Variants in CDH13 observed in about 807,000 individuals in gnomAD.
The protein encoded by CDH13 is cadherin 13.
In CDH13, 24 loss-of-function variants were observed where a neutral mutation model predicts 63.8. The observed-to-expected ratio is 0.38, with a 90% CI of 0.27 to 0.53. The LOEUF is 0.53. Among genes scored for constraint, CDH13 ranks in the 20% least tolerant of loss-of-function variants. CDH13 has a pLI of 0.85. For missense variants in CDH13, 1,049 were observed against 903.1 expected (o/e 1.16, Z -2.07); for synonymous variants, 503 against 355.3 (o/e 1.42, Z -4.67).
At chr16:83,352,248 AC>A (rs1168006798) in intron 6 of CDH13, among the ~76,000 whole-genome samples, 1 of 152,068 alleles carries the variant, frequency 6.6e-6, no homozygotes, top group Non-Finnish European at 1.5e-5. Flanking sequence ...CCAATCAGAG[AC>A]CATTTCCCAA....
intron 10 of CDH13, among the ~76,000 whole-genome samples, chr16:83,701,285 G>A (rs970254738): frequency 6.6e-6 from 1 of 152,340 alleles, no homozygotes; most frequent in East Asian, 1.9e-4. Flanking sequence ...GAGGGCAGCC[G>A]AATGGGGCCA....
At chr16:83,334,333 C>A (rs1267081919) in intron 5 of CDH13, among the ~76,000 whole-genome samples, 1 of 135,668 alleles carries the variant, frequency 7.4e-6, no homozygotes, top group East Asian at 2.1e-4. Flanking sequence ...TCCCTCTCTC[C>A]CTTTCTCCCT....
intron 5 of CDH13, among the ~76,000 whole-genome samples, chr16:83,270,842 T>C (rs1296082895): frequency 6.6e-6 from 1 of 152,090 alleles, no homozygotes; most frequent in Non-Finnish European, 1.5e-5. Context: ...GTTGCTCTTC[T>C]CTTTTCTCCT....
At chr16:83,171,605 A>G in intron 4 of CDH13, 3 of 1,491,810 alleles carry the variant, frequency 2.0e-6, no homozygotes, top group South Asian at 1.2e-5. Context: ...CTGTGTCTCT[A>G]TCTTCATTTC....
intron 1 of CDH13, among the ~76,000 whole-genome samples, chr16:82,780,177 C>G (rs1383208696): frequency 1.3e-5 from 2 of 151,978 alleles, no homozygotes; most frequent in Non-Finnish European, 2.9e-5. Flanking sequence ...AAGGTCAGGA[C>G]TATATATTTA....
At chr16:82,947,191 G>C (rs1251231871) in intron 2 of CDH13, among the ~76,000 whole-genome samples, 1 of 152,100 alleles carries the variant, frequency 6.6e-6, no homozygotes, top group Non-Finnish European at 1.5e-5. Context: ...AACCAGAGTA[G>C]GTGGTTATTC....
At chr16:83,003,920 G>A (rs1277462553) in intron 2 of CDH13, among the ~76,000 whole-genome samples, 1 of 152,176 alleles carries the variant, frequency 6.6e-6, no homozygotes, top group African/African-American at 2.4e-5. Flanking sequence ...TTGTTTTGGG[G>A]AAAATTCTAA....
intron 7 of CDH13, among the ~76,000 whole-genome samples, chr16:83,517,956 G>T (rs916886535): frequency 1.3e-5 from 2 of 152,048 alleles, no homozygotes; most frequent in African/African-American, 2.4e-5. Flanking sequence ...GAGCCCTGGG[G>T]TGATGAAGTG....
chr16:83,328,550 G>A (rs2090418737), intron 5 of CDH13, among the ~76,000 whole-genome samples: 2 of 152,172 alleles, frequency 1.3e-5, no homozygotes, highest in Admixed American at 1.3e-4. Flanking sequence ...TGAATAGAGT[G>A]GGAGGACAAG....
intron 6 of CDH13, among the ~76,000 whole-genome samples, chr16:83,446,190 C>G (rs900720838): frequency 6.6e-6 from 1 of 151,216 alleles, no homozygotes; most frequent in Non-Finnish European, 1.5e-5. Flanking sequence ...GTAATCCCAG[C>G]TATTTAGGAG....
At chr16:83,482,139 C>G (rs760222827) in intron 6 of CDH13, among the ~76,000 whole-genome samples, 4 of 152,204 alleles carry the variant, frequency 2.6e-5, no homozygotes, top group Non-Finnish European at 2.9e-5. Flanking sequence ...GTTGTTCATT[C>G]TTCTTGGAAG....
At chr16:82,940,121 G>A (rs1006594371) in intron 2 of CDH13, among the ~76,000 whole-genome samples, 1 of 152,132 alleles carries the variant, frequency 6.6e-6, no homozygotes, top group Admixed American at 6.5e-5. Context: ...TTCCCACCAG[G>A]TCCCTCCCAC....
intron 1 of CDH13, among the ~76,000 whole-genome samples, chr16:82,790,738 A>G (rs12446447): frequency 6.6e-6 from 1 of 152,086 alleles, no homozygotes; most frequent in Non-Finnish European, 1.5e-5. Context: ...ATGATTGTTT[A>G]CCAGGCAGCA....
intron 11 of CDH13, among the ~76,000 whole-genome samples, chr16:83,777,875 A>C (rs752840318): frequency 5.9e-5 from 9 of 152,250 alleles, no homozygotes; most frequent in Non-Finnish European, 7.3e-5. Flanking sequence ...AATAAGGATT[A>C]GAAAAATAAA....
At chr16:82,824,817 C>A (rs1366818880) in intron 1 of CDH13, 1 of 152,180 alleles carries the variant, frequency 6.6e-6, no homozygotes, top group Non-Finnish European at 1.5e-5. Flanking sequence ...TAAAAATAGA[C>A]TGCAAAAAAA....
chr16:82,952,899 G>A (rs1905499742), intron 2 of CDH13, among the ~76,000 whole-genome samples: 1 of 152,200 alleles, frequency 6.6e-6, no homozygotes, highest in Non-Finnish European at 1.5e-5. Context: ...CTGGAAACCA[G>A]AAGACAAGGC....
chr16:82,942,694 C>G (rs1904305891), intron 2 of CDH13, among the ~76,000 whole-genome samples: 1 of 151,984 alleles, frequency 6.6e-6, no homozygotes, highest in Admixed American at 6.6e-5. Context: ...AAGGAAGATG[C>G]CCAAGAAGAA....
At chr16:83,237,726 C>A (rs1455249986) in intron 5 of CDH13, among the ~76,000 whole-genome samples, 2 of 152,152 alleles carry the variant, frequency 1.3e-5, no homozygotes, top group Non-Finnish European at 2.9e-5. Context: ...GTTGTTTAAT[C>A]GTGAACTTTA....
At chr16:82,760,903 C>T (rs2034812218) in intron 1 of CDH13, among the ~76,000 whole-genome samples, 1 of 151,640 alleles carries the variant, frequency 6.6e-6, no homozygotes, top group Admixed American at 6.6e-5. Context: ...AGAGGGAGAA[C>T]TCACTCATGA....
Sources: allele counts gnomAD v4.1 joint callset (sites outside exome capture counted in the v4.1 genomes callset), GRCh38; gene constraint gnomAD v4.1.1; transcripts MANE v1.5; gene names NCBI Gene and HGNC (gene_info 2026-07-23, HGNC 2026-07-21).